Variants in UBE2E2 observed in about 807,000 individuals in gnomAD.
UBE2E2 encodes ubiquitin conjugating enzyme E2 E2.
Under a neutral mutation model 24.7 loss-of-function variants are expected in UBE2E2, and 6 were observed. The ratio of observed to expected loss-of-function variants is 0.24; its 90% CI spans 0.13 to 0.48. The LOEUF is 0.48. UBE2E2 is among the 20% of genes least tolerant of loss of function. UBE2E2 has a pLI of 0.99. For synonymous variants in UBE2E2, 104 were observed against 83.6 expected (o/e 1.24, Z -1.33); for missense variants, 169 against 245.0 (o/e 0.69, Z 2.07).
chr3:23,228,340 G>A (rs1342492450), intron 3 of UBE2E2, among the ~76,000 whole-genome samples: 2 of 151,916 alleles, frequency 1.3e-5, no homozygotes, highest in Admixed American at 6.6e-5. Context: ...TTTTATAATA[G>A]CAACAGAACA....
At chr3:23,327,215 T>C (rs1479201794) in intron 3 of UBE2E2, among the ~76,000 whole-genome samples, 1 of 152,218 alleles carries the variant, frequency 6.6e-6, no homozygotes, top group Admixed American at 6.5e-5. Flanking sequence ...GGTCAAATAG[T>C]ACTTCTAGTT....
At chr3:23,587,021 C>T (rs6775907) in intron 5 of UBE2E2, among the ~76,000 whole-genome samples, 47,022 of 151,702 alleles carry the variant, frequency 0.31, 8,015 homozygotes, top group East Asian at 0.49. Context: ...CTTTCAACTT[C>T]CTGTCTTGCA....
rs2125436655 is a variant in UBE2E2 at position 23,474,167 on chromosome 3, G to A, written c.228-25441G>A. Among the ~76,000 whole-genome samples, 1 of 152,002 alleles carries A rather than the reference G, an allele frequency of 6.6e-6. No homozygotes were observed. The highest frequency in any genetic ancestry group is 2.1e-4 in the South Asian group (1 of 4,824). ...ATGTTGAGCATTTTTTCATATGTTT[G>A]TTGGCCATTTTTATATCTTCTTTTG... On this transcript the variant is annotated intron_variant, in intron 3 of 5. Coordinates refer to ENST00000396703, the MANE Select transcript of UBE2E2 (RefSeq NM_152653.4). The surrounding 1 kb of genome is among the most constrained non-coding windows in gnomAD (Gnocchi z 4.0).
At chr3:23,381,891 A>C (rs7642713) in intron 3 of UBE2E2, among the ~76,000 whole-genome samples, 2,187 of 152,190 alleles carry the variant, frequency 0.014, 43 homozygotes, top group African/African-American at 0.05. Flanking sequence ...GAGAGTGGAG[A>C]AGGATGTAGA....
chr3:23,492,082 G>A (rs1699508855), intron 3 of UBE2E2, among the ~76,000 whole-genome samples: 1 of 152,112 alleles, frequency 6.6e-6, no homozygotes, highest in Non-Finnish European at 1.5e-5. Context: ...GGTAGCTGAG[G>A]GTAGAACCCC....
chr3:23,215,763 A>C (rs1696459504), intron 2 of UBE2E2, among the ~76,000 whole-genome samples: 1 of 152,082 alleles, frequency 6.6e-6, no homozygotes, highest in Non-Finnish European at 1.5e-5. Context: ...CTACCCACCC[A>C]GTGGGGTCCT....
chr3:23,335,857 G>A (rs1314162791), intron 3 of UBE2E2, among the ~76,000 whole-genome samples: 1 of 152,046 alleles, frequency 6.6e-6, no homozygotes, highest in African/African-American at 2.4e-5. Context: ...TTTTTAAATT[G>A]AAAAGTCACA....
chr3:23,419,719 C>T (rs1442622920), intron 3 of UBE2E2, among the ~76,000 whole-genome samples: 5 of 152,088 alleles, frequency 3.3e-5, no homozygotes, highest in Non-Finnish European at 2.9e-5. Context: ...CTTTGTGTCT[C>T]GTATACCTTC....
intron 3 of UBE2E2, among the ~76,000 whole-genome samples, chr3:23,449,515 T>G (rs1467041483): frequency 4.6e-5 from 7 of 152,248 alleles, no homozygotes; most frequent in Non-Finnish European, 8.8e-5. Flanking sequence ...TGATTACATT[T>G]GCTCTTTTCA....
At chr3:23,444,541 A>G (rs1460824453) in intron 3 of UBE2E2, among the ~76,000 whole-genome samples, 1 of 152,128 alleles carries the variant, frequency 6.6e-6, no homozygotes, top group Admixed American at 6.5e-5. Flanking sequence ...AGTCAACCCT[A>G]CTGTCATCCT....
chr3:23,368,918 A>G (rs1388973282), intron 3 of UBE2E2, among the ~76,000 whole-genome samples: 1 of 152,212 alleles, frequency 6.6e-6, no homozygotes, highest in Non-Finnish European at 1.5e-5. Context: ...TGCCATTGGA[A>G]TTGCAGTTAT....
intron 3 of UBE2E2, among the ~76,000 whole-genome samples, chr3:23,354,160 G>A (rs1484676907): frequency 1.3e-5 from 2 of 152,036 alleles, no homozygotes; most frequent in East Asian, 1.9e-4. Flanking sequence ...TTAATAAATG[G>A]TGCTGGGAAA....
intron 3 of UBE2E2, among the ~76,000 whole-genome samples, chr3:23,347,194 C>T (rs1210865877): frequency 2.0e-5 from 3 of 152,314 alleles, no homozygotes; most frequent in Non-Finnish European, 4.4e-5. Flanking sequence ...CCAGCCATCC[C>T]ATTACTGGGT....
intron 4 of UBE2E2, among the ~76,000 whole-genome samples, chr3:23,531,604 T>C (rs976845218): frequency 4.6e-5 from 7 of 152,042 alleles, no homozygotes; most frequent in African/African-American, 1.2e-4. Context: ...TGCACTAATA[T>C]TACGTTTTAA....
chr3:23,220,211 T>C (rs1053618545), intron 3 of UBE2E2, among the ~76,000 whole-genome samples: 2 of 152,230 alleles, frequency 1.3e-5, no homozygotes, highest in African/African-American at 4.8e-5. Flanking sequence ...AAACAAATAT[T>C]ATTTTAAAGA....
chr3:23,516,535 T>C (rs1265328785), intron 4 of UBE2E2, among the ~76,000 whole-genome samples: 1 of 152,196 alleles, frequency 6.6e-6, no homozygotes. Flanking sequence ...ATGTATATTA[T>C]AGCAGTCAAC....
intron 2 of UBE2E2, among the ~76,000 whole-genome samples, chr3:23,215,604 C>T (rs1050878096): frequency 6.6e-6 from 1 of 152,104 alleles, no homozygotes; most frequent in South Asian, 2.1e-4. Flanking sequence ...TATTGGTATA[C>T]ACTCTGCAGC....
intron 3 of UBE2E2, among the ~76,000 whole-genome samples, chr3:23,225,368 G>C (rs1441444523): frequency 6.6e-6 from 1 of 151,580 alleles, no homozygotes; most frequent in Non-Finnish European, 1.5e-5. Flanking sequence ...AGAAACCATT[G>C]CCTAATCCAA....
intron 3 of UBE2E2, among the ~76,000 whole-genome samples, chr3:23,344,718 A>G (rs1007199658): frequency 6.6e-6 from 1 of 151,848 alleles, no homozygotes; most frequent in Non-Finnish European, 1.5e-5. Context: ...ATATATACAC[A>G]TACACACACT....
Sources: allele counts gnomAD v4.1 joint callset (sites outside exome capture counted in the v4.1 genomes callset), GRCh38; gene constraint gnomAD v4.1.1; non-coding constraint Gnocchi (gnomAD v3.1); transcripts MANE v1.5; gene names NCBI Gene and HGNC (gene_info 2026-07-23, HGNC 2026-07-21).